TMEM87A: variants seen among roughly 807,000 people sequenced by gnomAD.
TMEM87A encodes transmembrane protein 87A, also known as Golgi-pH regulating cation channel.
In TMEM87A, 50 loss-of-function variants were observed where a neutral mutation model predicts 90.0. The observed-to-expected ratio is 0.56, with a 90% CI of 0.44 to 0.70. The LOEUF is 0.70. Among genes scored for constraint, TMEM87A ranks in the 30% least tolerant of loss-of-function variants. The probability of loss-of-function intolerance (pLI) is 0.00; values close to 1 mark genes in which losing one functional copy is unlikely to be tolerated. For synonymous variants in TMEM87A, 226 were observed against 226.7 expected, an observed-to-expected ratio of 1.00 and a Z score of 0.03; for missense variants, 577 against 660.5, an observed-to-expected ratio of 0.87 and a Z score of 1.39.
At chr15:42,232,059 G>T in intron 11 of TMEM87A, 1 of 272,212 alleles carries the variant, frequency 3.7e-6, no homozygotes, top group Non-Finnish European at 6.2e-6. Context: ...GCAATTTATT[G>T]CAAAACATAT....
intron 8 of TMEM87A, among the ~76,000 whole-genome samples, chr15:42,238,744 A>ACC (rs2050819505): frequency 1.2e-5 from 1 of 84,440 alleles, no homozygotes; most frequent in Admixed American, 1.2e-4. Context: ...ACAGAGTGAG[A>ACC]CTCTCTTTTT....
intron 7 of TMEM87A, among the ~76,000 whole-genome samples, chr15:42,241,958 T>C (rs1021232768): frequency 2.0e-5 from 3 of 150,804 alleles, no homozygotes; most frequent in African/African-American, 7.3e-5. Context: ...TCCCAGCTAC[T>C]TGGGAGGCTG....
intron 18 of TMEM87A, chr15:42,218,046 C>A: frequency 1.6e-6 from 1 of 618,008 alleles, no homozygotes; most frequent in Non-Finnish European, 2.8e-6. Flanking sequence ...TGCAACAGGA[C>A]CAATGTTTCA....
At chr15:42,262,989 T>C (rs2051326236) in intron 4 of TMEM87A, among the ~76,000 whole-genome samples, 1 of 152,192 alleles carries the variant, frequency 6.6e-6, no homozygotes, top group Non-Finnish European at 1.5e-5. Context: ...ATTATTCACA[T>C]CTCCCTCTTT....
chr15:42,273,472 T>C, upstream of TMEM87A: 2 of 1,592,658 alleles, frequency 1.3e-6, no homozygotes, highest in Non-Finnish European at 1.7e-6. Flanking sequence ...CCGGCTCTGC[T>C]CTAAGGGCGG....
intron 7 of TMEM87A, among the ~76,000 whole-genome samples, chr15:42,240,975 A>C (rs2050856297): frequency 6.6e-6 from 1 of 152,248 alleles, no homozygotes; most frequent in African/African-American, 2.4e-5. Flanking sequence ...CACATGGGCC[A>C]AATCTGGCCA....
chr15:42,273,388 G>A lies in TMEM87A; in HGVS notation c.11C>T (p.Ala4Val). ...GACAGGCAACACCTGAAGCCACGCA[G>A]CCGCCGCCATCTTCACAGCCGTGGA... MAA[A>V]AWLQVLPVIL... The change falls in exon 1 of 20, where the codon GCT (alanine) becomes GTT (valine). Residue 4 changes from alanine (A) to valine (V), a missense_variant. By Grantham distance (64) the Ala-to-Val change is moderately conservative. Coordinates refer to ENST00000389834, the MANE Select transcript of TMEM87A (RefSeq NM_015497.5). The A allele has an allele frequency of 6.2e-7, 1 of 1,613,976 alleles. No individual in the cohort carries two copies. The highest frequency in any genetic ancestry group is 8.5e-7 in the Non-Finnish European group (1 of 1,179,990).
intron 7 of TMEM87A, among the ~76,000 whole-genome samples, chr15:42,243,208 C>T (rs1371754392): frequency 6.6e-6 from 1 of 151,788 alleles, no homozygotes; most frequent in Non-Finnish European, 1.5e-5. Flanking sequence ...GCGGAGCTTG[C>T]AGTGAGCCGA....
chr15:42,224,325 G>A (rs2050550854), intron 15 of TMEM87A: 1 of 152,228 alleles, frequency 6.6e-6, no homozygotes, highest in Non-Finnish European at 1.5e-5. Flanking sequence ...AATAGTCTGT[G>A]CATACTGTCA....
At position 42,232,020 on chromosome 15, in the gene TMEM87A, G is replaced by A. The variant is rs138419580; in HGVS notation, c.1063-760C>T. On this transcript the variant is annotated intron_variant, in intron 11 of 19. Transcript: ENST00000389834. Reference sequence around the variant, plus strand: ...GGACAGTGTGATTTGAAAAGCAAATGTGCATCCACAAAGTGTTTGATTTAA... The same window carrying A: ...GGACAGTGTGATTTGAAAAGCAAATATGCATCCACAAAGTGTTTGATTTAA... The A allele has an allele frequency of 1.6e-3, 712 of 456,398 alleles. 3 individuals carry two copies. The highest frequency in any genetic ancestry group is 0.014 in the African/African-American group (664 of 47,222). The allele number at this position is 456,398 out of a possible 1,614,324, so 28.3% of individuals were successfully genotyped here.
chr15:42,215,227 C>T (rs1001606727), intron 19 of TMEM87A, among the ~76,000 whole-genome samples: 1 of 152,246 alleles, frequency 6.6e-6, no homozygotes, highest in Admixed American at 6.5e-5. Flanking sequence ...TGGCCAGGTG[C>T]GGTGGCTCAC....
chr15:42,253,277 T>G (rs2051118681), intron 6 of TMEM87A, among the ~76,000 whole-genome samples: 1 of 152,232 alleles, frequency 6.6e-6, no homozygotes, highest in African/African-American at 2.4e-5. Flanking sequence ...GTCTTGAGAA[T>G]ATATATGGCT....
intron 6 of TMEM87A, among the ~76,000 whole-genome samples, chr15:42,249,106 T>C (rs1343905569): frequency 1.3e-5 from 2 of 152,268 alleles, no homozygotes; most frequent in Non-Finnish European, 2.9e-5. Context: ...TGGTAGTTTG[T>C]ATTTCTGTGG....
intron 3 of TMEM87A, among the ~76,000 whole-genome samples, chr15:42,266,168 A>G (rs1036843731): frequency 6.6e-6 from 1 of 152,320 alleles, no homozygotes; most frequent in Admixed American, 6.5e-5. Flanking sequence ...TTCAACGCTC[A>G]AGTATTCTAG....
chr15:42,239,800 T>G, intron 7 of TMEM87A, 69 bp from the exon 8 acceptor site: 1 of 1,316,788 alleles, frequency 7.6e-7, no homozygotes, highest in East Asian at 2.3e-5. Flanking sequence ...TGCCTAATAT[T>G]TGTTTAATGA....
rs755392876 is a variant in TMEM87A at position 42,261,038 on chromosome 15, G to A, written c.460-36C>T. The A allele has an allele frequency of 1.9e-6, 3 of 1,579,810 alleles. No individual in the cohort carries two copies. In the East Asian group the frequency reaches 7.0e-5, roughly 37 times the overall value. ...TAAAAAAATAATAATAATTAATTCA[G>A]AACTTCTTGTTTTTAGCTGCCCAAG... On this transcript the variant is annotated intron_variant, in intron 5 of 19. Coordinates refer to ENST00000389834, the MANE Select transcript of TMEM87A (RefSeq NM_015497.5).
At position 42,257,454 on chromosome 15, in the gene TMEM87A, G is replaced by A. The variant is rs147960781; in HGVS notation, c.504+3504C>T. On this transcript the variant is annotated intron_variant, in intron 6 of 19. Transcript: ENST00000389834. ...GAAGCCCTCACTAGAAACAGATGCCGGCACCATGCTTCTTTCATAGCCCAC... is the reference window on the plus strand; with the variant it reads ...GAAGCCCTCACTAGAAACAGATGCCAGCACCATGCTTCTTTCATAGCCCAC... Among the ~76,000 whole-genome samples the A allele has an allele frequency of 3.9e-5, 6 of 152,128 alleles. No homozygotes were observed. In the East Asian group the frequency reaches 5.8e-4, roughly 15 times the overall value.
chr15:42,265,857 T>A (rs924026122), intron 3 of TMEM87A, among the ~76,000 whole-genome samples: 1 of 152,224 alleles, frequency 6.6e-6, no homozygotes, highest in Non-Finnish European at 1.5e-5. Flanking sequence ...GTTTTACATT[T>A]AAGTCTTTAA....
chr15:42,261,505 A>G (rs2051291211), intron 4 of TMEM87A, among the ~76,000 whole-genome samples: 1 of 152,268 alleles, frequency 6.6e-6, no homozygotes, highest in East Asian at 1.9e-4. Flanking sequence ...TAAGAATGAC[A>G]AAGCTTTAGA....
Sources: gnomAD v4.1 joint callset for allele counts (sites outside exome capture counted in the v4.1 genomes callset) on GRCh38, gnomAD v4.1.1 for gene constraint, MANE v1.5 for transcripts, NCBI Gene and HGNC (gene_info 2026-07-23, HGNC 2026-07-21) for gene names.